Variants in PSTPIP2 observed in about 807,000 individuals in gnomAD.
The protein encoded by PSTPIP2 is proline-serine-threonine phosphatase interacting protein 2.
PSTPIP2 carries 33 observed loss-of-function variants against 63.3 expected under a neutral mutation model. The observed-to-expected ratio is 0.52, with a 90% CI of 0.40 to 0.70. The LOEUF (loss-of-function observed/expected upper bound fraction) is 0.70. PSTPIP2 is among the 30% of genes least tolerant of loss of function. The probability of loss-of-function intolerance (pLI) is 0.00; values close to 1 mark genes in which losing one functional copy is unlikely to be tolerated. For missense variants in PSTPIP2, 312 were observed against 400.7 expected, an observed-to-expected ratio of 0.78 and a Z score of 1.89; for synonymous variants, 125 against 132.7, an observed-to-expected ratio of 0.94 and a Z score of 0.40.
At chr18:46,004,474 GAA>G (rs2051703582) in intron 6 of PSTPIP2, among the ~76,000 whole-genome samples, 1 of 152,086 alleles carries the variant, frequency 6.6e-6, no homozygotes, top group Admixed American at 6.5e-5. Flanking sequence ...TTACTTAAAG[GAA>G]AAGTTTTTAT....
chr18:46,033,221 C>G (rs1468984492), intron 2 of PSTPIP2, among the ~76,000 whole-genome samples: 1 of 152,242 alleles, frequency 6.6e-6, no homozygotes, highest in African/African-American at 2.4e-5. Flanking sequence ...ATGATGCTCT[C>G]AGCTTCCAGT....
intron 1 of PSTPIP2, among the ~76,000 whole-genome samples, chr18:46,064,457 AT>A (rs34169328): frequency 0.033 from 3,528 of 106,010 alleles, 60 homozygotes; most frequent in Middle Eastern, 0.065. Context: ...CACCTGGCTA[AT>A]TTTTTTTTTT....
intron 2 of PSTPIP2, among the ~76,000 whole-genome samples, chr18:46,037,052 C>A (rs764623519): frequency 6.6e-6 from 1 of 152,172 alleles, no homozygotes; most frequent in South Asian, 2.1e-4. Context: ...TTATTACATA[C>A]AATAGTCTGT....
At chr18:46,066,407 C>T (rs1487454482) in intron 1 of PSTPIP2, among the ~76,000 whole-genome samples, 1 of 152,168 alleles carries the variant, frequency 6.6e-6, no homozygotes, top group Non-Finnish European at 1.5e-5. Flanking sequence ...AGCTAATAAT[C>T]TCTTAGAGGT....
Position 46,015,893 on chromosome 18 carries a change from A to T in PSTPIP2, c.247+10T>A, listed in dbSNP as rs2051847999. 6.2e-7 allele frequency: 1 copy of T among 1,610,512 alleles called. No individual in the cohort carries two copies. Among genetic ancestry groups the T allele is most frequent in the Non-Finnish European group, 8.5e-7 (1 of 1,177,976 alleles). The stretch of plus-strand genomic sequence containing the variant: ...CAGTGAATACATTTTTTAAAAAAAA[A>T]ATCACTTACGCTGCTTGAAGACTTC... On this transcript the variant is annotated intron_variant, in intron 4 of 14. Coordinates refer to ENST00000409746, the MANE Select transcript of PSTPIP2 (RefSeq NM_024430.4).
In PSTPIP2 at chr18:45,995,801, G is replaced by C. The variant is rs140402424; in HGVS notation, c.642+1948C>G. 2.3e-3 allele frequency among the ~76,000 whole-genome samples: 353 copies of C among 152,178 alleles called. 4 individuals are homozygous for C. The highest frequency in any genetic ancestry group is 8.3e-3 in the African/African-American group (344 of 41,540). On this transcript the variant is annotated intron_variant, in intron 9 of 14. Transcript: ENST00000409746. ...GGGTCGTAGATAGAAAGTAAGAACT[G>C]CTGGTTTTGTTTTTTGCTTTTTGGG...
At chr18:45,989,683 ATCT>A (rs2051504094) in intron 13 of PSTPIP2, 3 of 152,274 alleles carry the variant, frequency 2.0e-5, no homozygotes, top group Admixed American at 2.0e-4. Context: ...TGACCTTGGG[ATCT>A]TCTTATTATT....
At chr18:46,012,299 G>A (rs1304529363) in intron 4 of PSTPIP2, among the ~76,000 whole-genome samples, 1 of 151,932 alleles carries the variant, frequency 6.6e-6, no homozygotes, top group Non-Finnish European at 1.5e-5. Context: ...CCTTTCTGGA[G>A]GAAATTTGGC....
At chr18:45,998,640 C>T (rs555667069) in intron 8 of PSTPIP2, among the ~76,000 whole-genome samples, 154 bp downstream of exon 8, 2 of 152,154 alleles carry the variant, frequency 1.3e-5, no homozygotes, top group East Asian at 1.9e-4. Context: ...TCCCTTCCTT[C>T]CTCCCTTTTT....
chr18:45,988,749 A>G lies in PSTPIP2; in HGVS notation c.966T>C (p.Asn322=). Residue 322 remains asparagine, a synonymous_variant, in exon 14 of 15, where the codon AAT becomes AAC. Coordinates refer to ENST00000409746, the MANE Select transcript of PSTPIP2 (RefSeq NM_024430.4). The stretch of plus-strand genomic sequence containing the variant: ...AACTGTAGTCATCAACCAAAGAGTA[A>G]TTGGGATCATCTGCAAAAGGCAGAA... ...PIPKSSPDDP[N]YSLVDDYSLL... is the part of the protein sequence containing the mutation. The G allele has an allele frequency of 6.4e-7, 1 of 1,563,976 alleles. No individual in the cohort carries two copies. Among genetic ancestry groups the G allele is most frequent in the Non-Finnish European group, 8.8e-7 (1 of 1,134,726 alleles).
At chr18:46,051,087 C>T (rs1376613844) in intron 1 of PSTPIP2, among the ~76,000 whole-genome samples, 2 of 152,176 alleles carry the variant, frequency 1.3e-5, no homozygotes, top group Non-Finnish European at 2.9e-5. Flanking sequence ...TGGTCTCGTA[C>T]TCCTGACCTC....
chr18:46,020,043 T>C (rs1907288533), intron 3 of PSTPIP2, among the ~76,000 whole-genome samples: 1 of 152,190 alleles, frequency 6.6e-6, no homozygotes, highest in African/African-American at 2.4e-5. Context: ...CAGTGACTGA[T>C]TGAAGGGCCC....
chr18:46,070,351 C>T (rs73438301), intron 1 of PSTPIP2, among the ~76,000 whole-genome samples: 6,613 of 152,278 alleles, frequency 0.043, 380 homozygotes, highest in African/African-American at 0.13. Flanking sequence ...TGTCTTCACC[C>T]TGTCACCCTC....
chr18:45,998,778 G>A lies in PSTPIP2; in HGVS notation c.562+16C>T. The stretch of plus-strand genomic sequence containing the variant: ...CACCAGCAACCCTCCCCCATCCGTA[G>A]GAACTGCCCCCTCACCTGAGTCCTC... On this transcript the variant is annotated intron_variant, in intron 8 of 14. Transcript: ENST00000409746. 6.2e-7 allele frequency: 1 copy of A among 1,612,356 alleles called. No individual in the cohort carries two copies. The highest frequency in any genetic ancestry group is 8.5e-7 in the Non-Finnish European group (1 of 1,179,252).
intron 1 of PSTPIP2, among the ~76,000 whole-genome samples, chr18:46,053,009 T>C (rs1454079952): frequency 6.6e-6 from 1 of 152,206 alleles, no homozygotes; most frequent in Non-Finnish European, 1.5e-5. Context: ...ACTCTTCATA[T>C]GAACAAAAAT....
At chr18:46,040,361 A>G (rs1908148266) in intron 1 of PSTPIP2, 6 of 241,442 alleles carry the variant, frequency 2.5e-5, no homozygotes, top group Non-Finnish European at 4.1e-5. Flanking sequence ...TTGGTTCCCT[A>G]TAGAAACAAA....
intron 6 of PSTPIP2, among the ~76,000 whole-genome samples, chr18:46,003,247 C>A (rs2051687978): frequency 6.6e-6 from 1 of 152,196 alleles, no homozygotes; most frequent in Non-Finnish European, 1.5e-5. Flanking sequence ...TTTCCCGGTG[C>A]AGGTGGAAGT....
At chr18:46,065,755 G>A (rs1909167417) in intron 1 of PSTPIP2, among the ~76,000 whole-genome samples, 1 of 151,864 alleles carries the variant, frequency 6.6e-6, no homozygotes, top group Non-Finnish European at 1.5e-5. Flanking sequence ...GTAAGCCACC[G>A]CGCCCGGCCA....
Position 46,072,159 on chromosome 18 carries a change from A to C in PSTPIP2, c.30T>G (p.Phe10Leu). The change falls in exon 1 of 15, where the codon TTT becomes TTG. Residue 10 changes from phenylalanine (F) to leucine (L), a missense_variant. By Grantham distance (22) the Phe-to-Leu change is conservative. Transcript: ENST00000409746. Reference sequence around the variant, plus strand: ...CGCTGTCGGCCCCACGACTTACCCAAAAGTTTCCCTTGAACAGTGAGCGCG... The same window carrying C: ...CGCTGTCGGCCCCACGACTTACCCACAAGTTTCCCTTGAACAGTGAGCGCG... Reference protein sequence around the residue: MTRSLFKGNFWSADILSTIG... With the variant: MTRSLFKGNLWSADILSTIG... The C allele has an allele frequency of 6.5e-7, 1 of 1,535,806 alleles. No individual in the cohort carries two copies. The highest frequency in any genetic ancestry group is 2.5e-5 in the East Asian group (1 of 39,376).
Sources: gnomAD v4.1 joint callset for allele counts (sites outside exome capture counted in the v4.1 genomes callset) on GRCh38, gnomAD v4.1.1 for gene constraint, MANE v1.5 for transcripts, NCBI Gene and HGNC (gene_info 2026-07-23, HGNC 2026-07-21) for gene names.